The following NF1 variants were observed in gnomAD, a reference collection of about 807,000 sequenced individuals.
NF1 encodes the protein neurofibromin.
In NF1, 122 loss-of-function variants were observed where a neutral mutation model predicts 325.7. The ratio of observed to expected loss-of-function variants is 0.37; its 90% CI spans 0.32 to 0.44. The LOEUF (loss-of-function observed/expected upper bound fraction) is 0.44. Ranked by LOEUF, NF1 falls within the 20% of genes least tolerant of loss-of-function variation. The pLI, the probability that NF1 is intolerant of heterozygous loss-of-function variation, is 1.00. For synonymous variants in NF1, 1,091 were observed against 1,186.0 expected (o/e 0.92, Z 1.65); for missense variants, 2,140 against 3,415.4 (o/e 0.63, Z 9.31).
At chr17:31,342,412 A>G (rs987272231) in intron 47 of NF1, among the ~76,000 whole-genome samples, 5 of 152,174 alleles carry the variant, frequency 3.3e-5, no homozygotes, top group Non-Finnish European at 5.9e-5. Context: ...AGCCTGGCCA[A>G]CATGGTGACA....
chr17:31,217,808 T>C (rs1345906431), intron 13 of NF1, among the ~76,000 whole-genome samples: 1 of 151,134 alleles, frequency 6.6e-6, no homozygotes, highest in African/African-American at 2.4e-5. Context: ...CTAATAATAA[T>C]GCAAAAATTA....
chr17:31,263,732 A>G (rs1400008813), intron 35 of NF1, among the ~76,000 whole-genome samples: 1 of 151,846 alleles, frequency 6.6e-6, no homozygotes, highest in South Asian at 2.1e-4. Flanking sequence ...TTTTTGTTCT[A>G]AATTCCCACT....
chr17:31,219,965 G>A (rs568074418), intron 14 of NF1, among the ~76,000 whole-genome samples: 19 of 152,168 alleles, frequency 1.2e-4, no homozygotes, highest in African/African-American at 3.1e-4. Context: ...GTTGGTGGAC[G>A]TTTGGTGTTG....
chr17:31,203,119 A>C (rs1252876297), intron 11 of NF1, among the ~76,000 whole-genome samples: 1 of 152,144 alleles, frequency 6.6e-6, no homozygotes, highest in Non-Finnish European at 1.5e-5. Context: ...TCAAGCATGG[A>C]CTTGGCACTG....
At chr17:31,139,897 A>C (rs1475793486) in intron 1 of NF1, among the ~76,000 whole-genome samples, 1 of 152,188 alleles carries the variant, frequency 6.6e-6, no homozygotes, top group African/African-American at 2.4e-5. Context: ...GAGATCACCA[A>C]ATTATCTGTA....
intron 39 of NF1, among the ~76,000 whole-genome samples, chr17:31,334,228 C>T (rs1056840526): frequency 4.0e-5 from 6 of 150,844 alleles, no homozygotes; most frequent in East Asian, 2.0e-4. Flanking sequence ...ACCCGGGAGG[C>T]GGAACTTGCA....
At chr17:31,370,793 C>A (rs1036166406) in intron 57 of NF1, among the ~76,000 whole-genome samples, 4 of 152,178 alleles carry the variant, frequency 2.6e-5, no homozygotes, top group African/African-American at 9.7e-5. Context: ...CAGGGCCTTC[C>A]TAGTGGTCAT....
chr17:31,361,843 A>G (rs148778222), intron 57 of NF1, among the ~76,000 whole-genome samples: 4 of 152,338 alleles, frequency 2.6e-5, no homozygotes, highest in Non-Finnish European at 4.4e-5. Context: ...GTAATTAACT[A>G]TATTCTATTA....
chr17:31,352,871 T>A (rs1269075853), intron 51 of NF1, among the ~76,000 whole-genome samples: 10 of 152,204 alleles, frequency 6.6e-5, no homozygotes, highest in Admixed American at 5.2e-4. Context: ...CAAAAAGACA[T>A]GCTTCTCAAT....
chr17:31,102,049 T>C (rs1387444645), intron 1 of NF1, among the ~76,000 whole-genome samples: 1 of 152,228 alleles, frequency 6.6e-6, no homozygotes, highest in Non-Finnish European at 1.5e-5. Flanking sequence ...TACTTTTGGC[T>C]TTGTTTTACT....
In NF1 at chr17:31,374,219, T is replaced by G; in HGVS notation, c.*64T>G. The G allele has an allele frequency of 6.2e-7, 1 of 1,602,600 alleles. No homozygotes were observed. The highest frequency in any genetic ancestry group is 8.5e-7 in the Non-Finnish European group (1 of 1,170,236). On this transcript the variant is annotated 3_prime_UTR_variant, in exon 58 of 58. Transcript: ENST00000358273. Reference sequence around the variant, plus strand: ...GGCTCTTCACTAGTGACCCCTTCCCTGTCCTTGCCCTTTCCCCCCATGTTG... The same window carrying G: ...GGCTCTTCACTAGTGACCCCTTCCCGGTCCTTGCCCTTTCCCCCCATGTTG...
rs2143785432 is a variant in NF1, at chr17:31,182,552, A to G, written c.775A>G (p.Ser259Gly). The G allele has an allele frequency of 1.2e-6, 2 of 1,614,116 alleles. No homozygotes were observed. The highest frequency in any genetic ancestry group is 1.7e-6 in the Non-Finnish European group (2 of 1,179,960). ...TGACTTGGTGGATGGTTTTGCTGAA[A>G]GCACCAAACGTAAAGCAGCAGTTTG... ...LFDLVDGFAE[S>G]TKRKAAVWPL... Residue 259 changes from serine (S) to glycine (G), a missense_variant, in exon 8 of 58, where the codon AGC becomes GGC. Physicochemically the swap from Ser to Gly is moderately conservative, Grantham distance 56. Transcript: ENST00000358273.
At chr17:31,322,501 CAAAAAAAAAAAAAAAAAAAAAA>C (rs573045083) in intron 36 of NF1, among the ~76,000 whole-genome samples, 1 of 44,744 alleles carries the variant, frequency 2.2e-5, no homozygotes, top group East Asian at 1.1e-3. Context: ...GACTCTGTCT[CAAAAAAAAAAAAAAAAAAAAAA>C]AAAAAAAAAA....
chr17:31,139,229 G>A (rs1241857246), intron 1 of NF1, among the ~76,000 whole-genome samples: 3 of 152,074 alleles, frequency 2.0e-5, no homozygotes, highest in Non-Finnish European at 2.9e-5. Context: ...TGTATTTTTA[G>A]TAGAGATGAG....
At chr17:31,321,661 A>G (rs1205367985) in intron 36 of NF1, 1 of 151,964 alleles carries the variant, frequency 6.6e-6, no homozygotes, top group Non-Finnish European at 1.5e-5. Context: ...AAACCAAACC[A>G]CAGATGACAC....
intron 1 of NF1, among the ~76,000 whole-genome samples, chr17:31,142,988 G>A (rs1453819648): frequency 6.6e-6 from 1 of 152,014 alleles, no homozygotes; most frequent in Non-Finnish European, 1.5e-5. Flanking sequence ...TAATAGGCAA[G>A]ACAACCTGAT....
chr17:31,182,743 C>A, intron 8 of NF1, 78 bp downstream of exon 8: 3 of 1,369,540 alleles, frequency 2.2e-6, no homozygotes, highest in African/African-American at 1.4e-5. Flanking sequence ...TTACTTTAGG[C>A]TTATTATTTA....
At position 31,374,832 on chromosome 17, in the gene NF1, A is replaced by G. The variant is rs760326775; in HGVS notation, c.*677A>G. 15 of 232,020 alleles carry G rather than the reference A, an allele frequency of 6.5e-5. No individual in the cohort carries two copies. Among genetic ancestry groups the G allele is most frequent in the Non-Finnish European group, 1.1e-4 (13 of 117,178 alleles). The allele number at this position is 232,020 out of a possible 1,614,324, so 14.4% of individuals were successfully genotyped here. On this transcript the variant is annotated 3_prime_UTR_variant, in exon 58 of 58. Coordinates refer to ENST00000358273, the MANE Select transcript of NF1 (RefSeq NM_001042492.3). ...CAATAATTACAGGAAAATAAGTGCG[A>G]CCACATATATCTTAACATTACTGAA...
rs994212133 is a variant in NF1, at chr17:31,317,361, A to G, written c.4836-8459A>G. Among the ~76,000 whole-genome samples, 3 of 121,744 alleles carry G rather than the reference A, an allele frequency of 2.5e-5. No individual in the cohort carries two copies. The Admixed American group carries it at 2.8e-4, about 11-fold the overall frequency. The allele number at this position is 121,744 out of a possible 152,430, so 79.9% of individuals were successfully genotyped here. A position where few individuals can be genotyped will look rare whatever the true frequency, so the allele number is the denominator to read the frequency against. On this transcript the variant is annotated intron_variant, in intron 36 of 57. Transcript: ENST00000358273. ...TATAACCTGAAGTATGCAGTTTTCCAGATTTGAACACACACACACACACAC... is the reference window on the plus strand; with the variant it reads ...TATAACCTGAAGTATGCAGTTTTCCGGATTTGAACACACACACACACACAC...
Sources: gnomAD v4.1 joint callset for allele counts (sites outside exome capture counted in the v4.1 genomes callset) on GRCh38, gnomAD v4.1.1 for gene constraint, MANE v1.5 for transcripts, NCBI Gene and HGNC (gene_info 2026-07-23, HGNC 2026-07-21) for gene names.